The following LSG1 variants were observed in gnomAD, a reference collection of about 807,000 sequenced individuals.
LSG1 encodes large 60S subunit nuclear export GTPase 1.
In LSG1, 55 loss-of-function variants were observed where a neutral mutation model predicts 82.6. The ratio of observed to expected loss-of-function variants is 0.67; its 90% CI spans 0.54 to 0.83. LSG1 has a LOEUF of 0.83. Among genes scored for constraint, LSG1 ranks in the 40% least tolerant of loss-of-function variants. LSG1 has a pLI of 0.00. For synonymous variants in LSG1, 272 were observed against 282.5 expected (o/e 0.96, Z 0.37); for missense variants, 809 against 807.9 (o/e 1.00, Z -0.02).
chr3:194,663,763 C>CGCCTCAGAGAAAGCCTTTCCCTTCTTCT (rs1560228130), intron 5 of LSG1, among the ~76,000 whole-genome samples: 14 of 105,576 alleles, frequency 1.3e-4, no homozygotes, highest in Non-Finnish European at 1.9e-4. Flanking sequence ...TCCCTTCTTC[C>CGCCTCAGAGAAAGCCTTTCCCTTCTTCT]GCCTCAGAGA....
chr3:194,648,746 G>A lies in LSG1; in HGVS notation c.1478C>T (p.Thr493Met), dbSNP rs767609689. The A allele has an allele frequency of 9.9e-6, 16 of 1,613,500 alleles. No homozygotes were observed. Among genetic ancestry groups the A allele is most frequent in the East Asian group, 8.9e-5 (4 of 44,878 alleles). The part of the protein sequence containing the change: ...LEATYGINII[T>M]PREDEDPHRP... ...GTGGGGATCTTCATCCTCTCTAGGC[G>A]TTATGATGTTAATGCCATAGGTAGC... The change falls in exon 11 of 14, where the codon ACG becomes ATG. Residue 493 changes from threonine to methionine, a missense_variant. By Grantham distance (81) the Thr-to-Met change is moderately conservative (BLOSUM62 -1). Coordinates refer to ENST00000265245, the MANE Select transcript of LSG1 (RefSeq NM_018385.3).
intron 8 of LSG1, 83 bp downstream of exon 8, chr3:194,652,646 G>T: frequency 1.4e-6 from 2 of 1,437,314 alleles, no homozygotes; most frequent in Non-Finnish European, 9.5e-7. Context: ...AAGCCTGGTT[G>T]GTCTTTGGGG....
intron 12 of LSG1, among the ~76,000 whole-genome samples, 182 bp downstream of exon 12, chr3:194,645,982 A>G (rs1718542106): frequency 6.6e-6 from 1 of 152,272 alleles, no homozygotes; most frequent in African/African-American, 2.4e-5. Flanking sequence ...AGGTGTTCAG[A>G]GATCTCCATC....
At chr3:194,649,410 G>A (rs762317949) in intron 10 of LSG1, among the ~76,000 whole-genome samples, 47 of 152,148 alleles carry the variant, frequency 3.1e-4, no homozygotes, top group Non-Finnish European at 6.0e-4. Flanking sequence ...AAGGCCAGGC[G>A]TGGTGGCTCA....
chr3:194,666,323 T>C (rs761851505), intron 3 of LSG1, 34 bp from the exon 4 acceptor site: 75 of 1,608,852 alleles, frequency 4.7e-5, no homozygotes, highest in South Asian at 5.5e-5. Flanking sequence ...AAATTCCTCA[T>C]ATAAGTAACC....
intron 8 of LSG1, 156 bp from the exon 9 acceptor site, chr3:194,651,372 T>A (rs1190312412): frequency 1.6e-6 from 1 of 619,546 alleles, no homozygotes; most frequent in Non-Finnish European, 2.9e-6. Context: ...ATCTTTTTTC[T>A]CCTGTGGTGT....
chr3:194,645,686 T>C (rs540471285), intron 12 of LSG1, among the ~76,000 whole-genome samples: 86 of 152,212 alleles, frequency 5.7e-4, no homozygotes, highest in African/African-American at 2.0e-3. Context: ...CATTTTACTA[T>C]GGGGAAACCC....
At position 194,641,246 on chromosome 3, in the gene LSG1, A is replaced by G. The variant is rs369283039; in HGVS notation, c.*822T>C. 6.6e-5 allele frequency: 10 copies of G among 152,376 alleles called. No individual in the cohort carries two copies. Among genetic ancestry groups the G allele is most frequent in the African/African-American group, 2.4e-4 (10 of 41,582 alleles). 9.4% of individuals were successfully genotyped at this position (152,376 alleles called of 1,614,324 possible). On this transcript the variant is annotated 3_prime_UTR_variant, in exon 14 of 14. Transcript: ENST00000265245. ...TAATTCAATGGTCTTAAGCATATTC[A>G]GAGTTGTGTGACCATCGCTACAGTC...
chr3:194,667,805 C>T (rs1383878442), intron 2 of LSG1, among the ~76,000 whole-genome samples: 4 of 150,298 alleles, frequency 2.7e-5, no homozygotes, highest in South Asian at 2.1e-4. Context: ...TGCCTGTAAT[C>T]CCAGCTACTC....
chr3:194,672,131 G>A lies in LSG1; in HGVS notation c.32C>T (p.Ser11Leu), dbSNP rs748597376. Reference sequence around the variant, plus strand: ...ATGGCGCATAAGGGCCCGTCCCAGCGACCCACCGGCCGGGGCTCTCCTCCG... The same window carrying A: ...ATGGCGCATAAGGGCCCGTCCCAGCAACCCACCGGCCGGGGCTCTCCTCCG... The part of the protein sequence containing the change: MGRRRAPAGG[S>L]LGRALMRHQT... Residue 11 changes from serine to leucine, a missense_variant, in exon 1 of 14, where the codon TCG becomes TTG. Ser to Leu is a moderately radical substitution (Grantham distance 145, BLOSUM62 -2). Coordinates refer to ENST00000265245, the MANE Select transcript of LSG1 (RefSeq NM_018385.3). 6.2e-6 allele frequency: 10 copies of A among 1,606,500 alleles called. No individual in the cohort carries two copies. The highest frequency in any genetic ancestry group is 7.6e-6 in the Non-Finnish European group (9 of 1,179,966).
chr3:194,667,923 CA>C (rs1170566137), intron 2 of LSG1, among the ~76,000 whole-genome samples: 42 of 12,842 alleles, frequency 3.3e-3, no homozygotes, highest in Non-Finnish European at 4.0e-3. Flanking sequence ...GACTCCGTCT[CA>C]AAAAAAAAAA....
intron 7 of LSG1, among the ~76,000 whole-genome samples, chr3:194,654,871 T>A (rs531346702): frequency 2.0e-4 from 30 of 152,352 alleles, no homozygotes; most frequent in Non-Finnish European, 3.4e-4. Context: ...CAACTCAGAA[T>A]TGGCCTGTGT....
Position 194,652,628 on chromosome 3 carries a change from G to A in LSG1, c.1173+101C>T, listed in dbSNP as rs147682909. 671 of 1,304,830 alleles carry A rather than the reference G, an allele frequency of 5.1e-4. 4 individuals are homozygous for A. The African/African-American group carries it at 8.8e-3, about 17-fold the overall frequency. The allele number at this position is 1,304,830 out of a possible 1,614,324, so 80.8% of individuals were successfully genotyped here. A position where few individuals can be genotyped will look rare whatever the true frequency, so the allele number is the denominator to read the frequency against. On this transcript the variant is annotated intron_variant, in intron 8 of 13. Coordinates refer to ENST00000265245, the MANE Select transcript of LSG1 (RefSeq NM_018385.3). Reference sequence around the variant, plus strand: ...GCAACAAGAGGGCAATGTTCCCTACGATGCCGGAAGCCTGGTTGGTCTTTG... The same window carrying A: ...GCAACAAGAGGGCAATGTTCCCTACAATGCCGGAAGCCTGGTTGGTCTTTG...
rs1718870043 is a variant in LSG1 at position 194,659,145 on chromosome 3, A to G, written c.583-12T>C. 1 of 1,602,620 alleles carries G rather than the reference A, an allele frequency of 6.2e-7. No individual in the cohort carries two copies. The highest frequency in any genetic ancestry group is 1.1e-5 in the South Asian group (1 of 90,266). ...TTCACATAACATTCCTAAGCAAGAC[A>G]AAGAGATTTAGAAAGACCTCTTCAA... is the stretch of plus-strand genomic sequence containing the variant. On this transcript the variant is annotated splice_polypyrimidine_tract_variant and intron_variant, in intron 6 of 13. Coordinates refer to ENST00000265245, the MANE Select transcript of LSG1 (RefSeq NM_018385.3).
chr3:194,648,861 A>G, intron 10 of LSG1, 57 bp from the exon 11 acceptor site: 1 of 1,599,054 alleles, frequency 6.3e-7, no homozygotes, highest in Non-Finnish European at 8.5e-7. Flanking sequence ...CATGGCATAC[A>G]AATCGTGCCT....
chr3:194,669,918 G>A lies in LSG1; in HGVS notation c.226+91C>T, dbSNP rs563201334. 4.1e-5 allele frequency: 60 copies of A among 1,449,286 alleles called. No individual in the cohort carries two copies. In the African/African-American group the frequency reaches 4.3e-4, roughly 10 times the overall value. The allele number at this position is 1,449,286 out of a possible 1,614,324, so 89.8% of individuals were successfully genotyped here. A position where few individuals can be genotyped will look rare whatever the true frequency, so the allele number is the denominator to read the frequency against. On this transcript the variant is annotated intron_variant, in intron 2 of 13. Transcript: ENST00000265245. ...TGCACTTCAGCCTGGGTGACAGAGC[G>A]AGACTCCATCTCAAAACAAAAAACA...
chr3:194,645,572 A>AGTTTT, intron 12 of LSG1, among the ~76,000 whole-genome samples: 1 of 40,082 alleles, frequency 2.5e-5, no homozygotes, highest in Non-Finnish European at 5.7e-5. Context: ...ACACACACAG[A>AGTTTT]CAGACACACA....
intron 12 of LSG1, chr3:194,645,499 C>CAT (rs1718502885): frequency 8.4e-5 from 5 of 59,330 alleles, no homozygotes; most frequent in Non-Finnish European, 1.6e-4. Context: ...TAGTGCTACA[C>CAT]ACACACACAC....
rs1718507254 is a variant in LSG1, at chr3:194,645,515, C to CACACACACACACACACAGACAG, written c.1623+648_1623+649insCTGTCTGTGTGTGTGTGTGTGT. On this transcript the variant is annotated intron_variant, in intron 12 of 13. Coordinates refer to ENST00000265245, the MANE Select transcript of LSG1 (RefSeq NM_018385.3). Reference sequence around the variant, plus strand: ...AGTGCTACACACACACACACACACACACACACACACACACAGACAGACACA... The same window carrying CACACACACACACACACAGACAG: ...AGTGCTACACACACACACACACACACACACACACACACACACAGACAGACACACACACACACAGACAGACACA... 1.5e-4 allele frequency: 8 copies of CACACACACACACACACAGACAG among 53,914 alleles called. 1 individual carries two copies. The highest frequency in any genetic ancestry group is 1.7e-4 in the Non-Finnish European group (4 of 23,808). The allele number at this position is 53,914 out of a possible 1,614,324, so 3.3% of individuals were successfully genotyped here.
Sources: allele counts gnomAD v4.1 joint callset (sites outside exome capture counted in the v4.1 genomes callset), GRCh38; gene constraint gnomAD v4.1.1; transcripts MANE v1.5; gene names NCBI Gene and HGNC (gene_info 2026-07-23, HGNC 2026-07-21).